OASL: variants seen among roughly 807,000 people sequenced by gnomAD.
OASL encodes the protein 2'-5'-oligoadenylate synthase-like protein.
In OASL, 28 loss-of-function variants were observed where a neutral mutation model predicts 35.3. That is an observed-to-expected ratio of 0.79 (90% confidence interval 0.59 to 1.09). OASL has a LOEUF of 1.09. Among genes scored for constraint, OASL ranks in the 50% least tolerant of loss-of-function variants. OASL has a pLI of 0.00. For synonymous variants in OASL, 252 were observed against 254.6 expected (o/e 0.99, Z 0.10); for missense variants, 620 against 635.2 (o/e 0.98, Z 0.26).
exon 6 of OASL, chr12:121,020,508 G>A (rs1869183251): frequency 1.3e-6 from 2 of 1,522,584 alleles, no homozygotes; most frequent in Non-Finnish European, 1.8e-6. Context: ...TGATTGACAG[G>A]ATGAGTTCTG....
In OASL at chr12:121,035,223, T is replaced by C. The variant is rs138767982; in HGVS notation, c.199-1480A>G. Among the ~76,000 whole-genome samples the C allele has an allele frequency of 7.6e-3, 1,149 of 152,166 alleles. 21 individuals carry two copies. Among genetic ancestry groups the C allele is most frequent in the African/African-American group, 0.026 (1,078 of 41,498 alleles). ...CCATAAGAGCCCTGTATACATATTA[T>C]TCCTTTTAATCTTTACTTCCCAGCC... is the stretch of plus-strand genomic sequence containing the variant. On this transcript the variant is annotated intron_variant, in intron 1 of 5. Coordinates refer to ENST00000257570, the Ensembl canonical transcript of OASL.
At chr12:121,026,837 G>A (rs1182527492) in intron 4 of OASL, among the ~76,000 whole-genome samples, 1 of 149,676 alleles carries the variant, frequency 6.7e-6, no homozygotes, top group Non-Finnish European at 1.5e-5. Flanking sequence ...GGGTGACAGA[G>A]CAAAACTCTG....
At chr12:121,021,200 T>G in intron 5 of OASL, 142 bp from the exon 6 acceptor site, 1 of 778,472 alleles carries the variant, frequency 1.3e-6, no homozygotes, top group South Asian at 1.9e-5. Context: ...GTAAGCACTT[T>G]CCAGGCTGTA....
intron 1 of OASL, among the ~76,000 whole-genome samples, chr12:121,035,845 C>T (rs1341711080): frequency 2.0e-5 from 3 of 152,100 alleles, no homozygotes; most frequent in Non-Finnish European, 4.4e-5. Flanking sequence ...ACATTCCCCC[C>T]GAAGGCCAGT....
chr12:121,035,720 G>A (rs1219401642), intron 1 of OASL, among the ~76,000 whole-genome samples: 4 of 152,096 alleles, frequency 2.6e-5, no homozygotes, highest in African/African-American at 7.2e-5. Flanking sequence ...TTTCTTCCTC[G>A]TGACCCAAGG....
Position 121,033,365 on chromosome 12 carries a change from T to C in OASL, c.481+96A>G, listed in dbSNP as rs1028559943. Reference sequence around the variant, plus strand: ...AGGACACAGATGAAATGAATAAATGTGGGTGTGTGCACGTGGCCATGAGTA... The same window carrying C: ...AGGACACAGATGAAATGAATAAATGCGGGTGTGTGCACGTGGCCATGAGTA... On this transcript the variant is annotated intron_variant, in intron 2 of 5. Transcript: ENST00000257570. 5.9e-5 allele frequency: 71 copies of C among 1,210,546 alleles called. 1 individual carries two copies. In the South Asian group the frequency reaches 9.1e-4, roughly 15 times the overall value. The allele number at this position is 1,210,546 out of a possible 1,614,324, so 75.0% of individuals were successfully genotyped here.
At chr12:121,034,664 T>C (rs1869880094) in intron 1 of OASL, among the ~76,000 whole-genome samples, 1 of 152,168 alleles carries the variant, frequency 6.6e-6, no homozygotes, top group Admixed American at 6.5e-5. Context: ...AGATCTTGAC[T>C]CTTCCCTGTT....
At chr12:121,021,704 G>A (rs1014215051) in intron 5 of OASL, among the ~76,000 whole-genome samples, 5 of 152,236 alleles carry the variant, frequency 3.3e-5, no homozygotes, top group South Asian at 2.1e-4. Context: ...CCAGCTACTC[G>A]GAAGGCTGAA....
At chr12:121,020,584 C>T (rs1367377942) in exon 6 of OASL, 4 of 1,606,312 alleles carry the variant, frequency 2.5e-6, no homozygotes, top group Admixed American at 1.7e-5. Context: ...AACAGAGCCT[C>T]TCCTTTCTTC....
rs1292437193 is a variant in OASL at position 121,031,517 on chromosome 12, C to A, written c.582G>T (p.Leu194=). Reference sequence around the variant, plus strand: ...GCCGATGTTTCACGAAATTTCTCTGCAGCTCGCTGAAGGATGGGCAGAAAT... The same window carrying A: ...GCCGATGTTTCACGAAATTTCTCTGAAGCTCGCTGAAGGATGGGCAGAAAT... Residue 194 remains leucine, a synonymous_variant, in exon 3 of 6, where the codon CTG becomes CTT. Coordinates refer to ENST00000257570, the Ensembl canonical transcript of OASL. The A allele has an allele frequency of 5.0e-6, 8 of 1,613,986 alleles. No individual in the cohort carries two copies. The Middle Eastern group carries it at 4.9e-4, about 100-fold the overall frequency.
chr12:121,034,128 C>T (rs7965349), intron 1 of OASL, among the ~76,000 whole-genome samples: 20,516 of 151,528 alleles, frequency 0.14, 1,690 homozygotes, highest in Non-Finnish European at 0.19. Flanking sequence ...GTCAGCAACA[C>T]ATTTGTCTTT....
chr12:121,039,126 C>T (rs1418853876), exon 1 of OASL: 18 of 636,552 alleles, frequency 2.8e-5, no homozygotes, highest in East Asian at 1.4e-4. Flanking sequence ...CCAGGTGTGA[C>T]GGGCTGACTC....
At chr12:121,033,438 G>C (rs369520507) in intron 2 of OASL, 23 bp downstream of exon 2, 14 of 1,599,930 alleles carry the variant, frequency 8.8e-6, no homozygotes, top group African/African-American at 1.3e-5. Flanking sequence ...TGTGTGAGTC[G>C]GGTGAGCTTC....
chr12:121,020,593 T>C (rs199842502), exon 6 of OASL: 4 of 1,608,004 alleles, frequency 2.5e-6, no homozygotes, highest in Admixed American at 3.4e-5. Context: ...TCTCCTTTCT[T>C]CTTCGAGAGG....
chr12:121,031,677 T>C (rs1869741202), intron 2 of OASL, 60 bp from the exon 3 acceptor site: 2 of 1,507,180 alleles, frequency 1.3e-6, no homozygotes, highest in Non-Finnish European at 1.8e-6. Context: ...GGGTGGTAAG[T>C]AGTATTTTGG....
At chr12:121,026,535 A>G (rs1390988941) in intron 4 of OASL, among the ~76,000 whole-genome samples, 1 of 152,210 alleles carries the variant, frequency 6.6e-6, no homozygotes, top group Non-Finnish European at 1.5e-5. Flanking sequence ...ACTGTGGTCC[A>G]CTGGAGGCGA....
chr12:121,023,499 G>A (rs907382410), intron 5 of OASL, among the ~76,000 whole-genome samples: 3 of 151,696 alleles, frequency 2.0e-5, no homozygotes, highest in Admixed American at 2.0e-4. Flanking sequence ...CATGTTGGCC[G>A]GGCTGGTCTT....
chr12:121,021,188 T>A (rs990781360), intron 5 of OASL, 130 bp from the exon 6 acceptor site: 2 of 889,838 alleles, frequency 2.2e-6, no homozygotes, highest in African/African-American at 3.4e-5. Context: ...GTTTAGGGAG[T>A]GGTAAGCACT....
intron 1 of OASL, among the ~76,000 whole-genome samples, chr12:121,035,540 C>CAAAACAAA (rs1555216047): frequency 4.7e-5 from 2 of 42,976 alleles, no homozygotes; most frequent in South Asian, 3.1e-3. Flanking sequence ...AACAAAACAA[C>CAAAACAAA]AAAAAAAAAC....
Sources: allele counts gnomAD v4.1 joint callset (sites outside exome capture counted in the v4.1 genomes callset), GRCh38; gene constraint gnomAD v4.1.1; transcripts MANE v1.5; gene names NCBI Gene and HGNC (gene_info 2026-07-23, HGNC 2026-07-21).